Variants in BABAM2 observed in about 807,000 individuals in gnomAD.
The protein encoded by BABAM2 is BRISC and BRCA1 A complex member 2, also known as BRISC and BRCA1-A complex member 2.
In BABAM2, 31 loss-of-function variants were observed where a neutral mutation model predicts 54.7. That is an observed-to-expected ratio of 0.57 (90% CI 0.43 to 0.77). The LOEUF (loss-of-function observed/expected upper bound fraction) is 0.77, where lower values mean the gene tolerates loss of function less well. Among genes scored for constraint, BABAM2 ranks in the 30% least tolerant of loss-of-function variants. BABAM2 has a pLI of 0.00. For missense variants in BABAM2, 364 were observed against 455.8 expected, an observed-to-expected ratio of 0.80 and a Z score of 1.83; for synonymous variants, 167 against 162.9, an observed-to-expected ratio of 1.03 and a Z score of -0.19.
chr2:28,215,954 G>A (rs1266563783), intron 7 of BABAM2, among the ~76,000 whole-genome samples: 1 of 152,180 alleles, frequency 6.6e-6, no homozygotes, highest in African/African-American at 2.4e-5. Context: ...AAAGGACCAT[G>A]ATCTTGACTA....
At chr2:28,259,108 A>T (rs1238652590) in intron 10 of BABAM2, among the ~76,000 whole-genome samples, 1 of 12,890 alleles carries the variant, frequency 7.8e-5, no homozygotes. Flanking sequence ...TTTTTTTTTC[A>T]GACTGAGTCT....
intron 5 of BABAM2, among the ~76,000 whole-genome samples, chr2:28,028,123 T>C (rs6727432): frequency 6.6e-6 from 1 of 151,808 alleles, no homozygotes; most frequent in Non-Finnish European, 1.5e-5. Flanking sequence ...ATGCATGCAT[T>C]TAATAGTTGG....
At chr2:28,106,885 A>G (rs1489122539) in intron 6 of BABAM2, among the ~76,000 whole-genome samples, 1 of 152,214 alleles carries the variant, frequency 6.6e-6, no homozygotes, top group African/African-American at 2.4e-5. Flanking sequence ...TTTGATGCTC[A>G]ATATTACTTC....
At chr2:28,080,151 T>C (rs1446160742) in intron 6 of BABAM2, among the ~76,000 whole-genome samples, 2 of 152,132 alleles carry the variant, frequency 1.3e-5, no homozygotes, top group Non-Finnish European at 2.9e-5. Flanking sequence ...AAATTGGGCA[T>C]CTTTTATCAT....
At chr2:28,153,141 T>C (rs1672214217) in intron 7 of BABAM2, among the ~76,000 whole-genome samples, 1 of 152,218 alleles carries the variant, frequency 6.6e-6, no homozygotes, top group Non-Finnish European at 1.5e-5. Flanking sequence ...CCCATGACTT[T>C]AGCATTTAAG....
At chr2:27,934,371 G>A (rs1050331831) in intron 3 of BABAM2, among the ~76,000 whole-genome samples, 9 of 152,174 alleles carry the variant, frequency 5.9e-5, no homozygotes, top group African/African-American at 1.7e-4. Context: ...ATATAAGATA[G>A]TGAATTTAAT....
At chr2:28,032,137 T>C (rs1026370884) in intron 5 of BABAM2, among the ~76,000 whole-genome samples, 2 of 152,208 alleles carry the variant, frequency 1.3e-5, no homozygotes, top group African/African-American at 4.8e-5. Flanking sequence ...AATCTAAGAC[T>C]AGGAATGATT....
At chr2:28,096,012 G>A (rs7578052) in intron 6 of BABAM2, among the ~76,000 whole-genome samples, 42,417 of 152,060 alleles carry the variant, frequency 0.28, 7,017 homozygotes, top group East Asian at 0.72. Flanking sequence ...AGTTGAATTT[G>A]GATTCAAATC....
chr2:28,231,785 CTTTTTTTTTTTTTTTTT>C (rs549515372), intron 7 of BABAM2, among the ~76,000 whole-genome samples: 18 of 57,652 alleles, frequency 3.1e-4, no homozygotes, highest in Non-Finnish European at 3.9e-4. Context: ...AGAGAGATGT[CTTTTTTTTTTTTTTTTT>C]TTTTTTTTTT....
At chr2:28,145,972 A>G (rs190516174) in intron 7 of BABAM2, among the ~76,000 whole-genome samples, 8 of 152,312 alleles carry the variant, frequency 5.3e-5, no homozygotes, top group African/African-American at 1.4e-4. Flanking sequence ...TGATTTATCC[A>G]TTCATTAGGT....
At position 27,970,607 on chromosome 2, in the gene BABAM2, C is replaced by G. The variant is rs114018175; in HGVS notation, c.206-17386C>G. Among the ~76,000 whole-genome samples the G allele has an allele frequency of 8.0e-3, 1,218 of 152,246 alleles. 12 individuals carry two copies. The highest frequency in any genetic ancestry group is 0.028 in the African/African-American group (1,165 of 41,550). ...AAAGAACATTTTTCTCCTATAGAAT[C>G]TCAATGCCATGATCGTACTCAAGAA... On this transcript the variant is annotated intron_variant, in intron 3 of 11. Coordinates refer to ENST00000379624, the MANE Select transcript of BABAM2 (RefSeq NM_199191.3).
intron 6 of BABAM2, among the ~76,000 whole-genome samples, chr2:28,078,849 C>T (rs1220796861): frequency 1.3e-5 from 2 of 152,130 alleles, no homozygotes; most frequent in Non-Finnish European, 2.9e-5. Context: ...AGCATGAAGG[C>T]ATTTCTTATA....
At chr2:27,948,059 G>A (rs1480316581) in intron 3 of BABAM2, among the ~76,000 whole-genome samples, 1 of 151,794 alleles carries the variant, frequency 6.6e-6, no homozygotes, top group Admixed American at 6.6e-5. Context: ...TTTCCAAAAT[G>A]GTTTGGAAAT....
At chr2:28,225,100 CAG>C (rs1680764845) in intron 7 of BABAM2, among the ~76,000 whole-genome samples, 2 of 152,196 alleles carry the variant, frequency 1.3e-5, no homozygotes, top group South Asian at 4.1e-4. Flanking sequence ...AAAATTAACT[CAG>C]GGGTTCTTTC....
chr2:28,076,994 G>A (rs1211094082), intron 6 of BABAM2, among the ~76,000 whole-genome samples: 1 of 152,180 alleles, frequency 6.6e-6, no homozygotes, highest in Non-Finnish European at 1.5e-5. Context: ...GAAATTGGCA[G>A]TAGGGGTAAA....
intron 7 of BABAM2, among the ~76,000 whole-genome samples, chr2:28,236,329 T>C (rs1219480590): frequency 6.6e-6 from 1 of 151,704 alleles, no homozygotes; most frequent in African/African-American, 2.4e-5. Context: ...TCATTTAAAC[T>C]GAAAAAAAGA....
chr2:28,314,824 A>C (rs1447329700), intron 11 of BABAM2, among the ~76,000 whole-genome samples: 1 of 151,850 alleles, frequency 6.6e-6, no homozygotes, highest in Non-Finnish European at 1.5e-5. Context: ...GCTGGGTAGG[A>C]TTTGATGTGC....
chr2:27,948,330 G>A (rs1669451186), intron 3 of BABAM2, among the ~76,000 whole-genome samples: 1 of 151,844 alleles, frequency 6.6e-6, no homozygotes, highest in Non-Finnish European at 1.5e-5. Flanking sequence ...AGTTACAGAA[G>A]TTTGTCTGTA....
At chr2:28,189,166 A>G (rs1293916576) in intron 7 of BABAM2, among the ~76,000 whole-genome samples, 1 of 151,116 alleles carries the variant, frequency 6.6e-6, no homozygotes, top group African/African-American at 2.4e-5. Flanking sequence ...GTCCCACTGC[A>G]CTCCAGTCTG....
Sources: gnomAD v4.1 joint callset for allele counts (sites outside exome capture counted in the v4.1 genomes callset) on GRCh38, gnomAD v4.1.1 for gene constraint, MANE v1.5 for transcripts, NCBI Gene and HGNC (gene_info 2026-07-23, HGNC 2026-07-21) for gene names.